The following TBC1D8 variants were observed in gnomAD, a reference collection of about 807,000 sequenced individuals.
The protein encoded by TBC1D8 is TBC1 domain family member 8.
A neutral mutation model predicts 118.8 loss-of-function variants in TBC1D8; 65 were observed. The ratio of observed to expected loss-of-function variants is 0.55; its 90% CI spans 0.45 to 0.67. The LOEUF (loss-of-function observed/expected upper bound fraction) is 0.67. TBC1D8 is among the 30% of genes least tolerant of loss of function. The probability of loss-of-function intolerance (pLI) is 0.00; values close to 1 mark genes in which losing one functional copy is unlikely to be tolerated. For synonymous variants in TBC1D8, 566 were observed against 595.8 expected (o/e 0.95, Z 0.73); for missense variants, 1,376 against 1,471.2 (o/e 0.94, Z 1.06).
intron 1 of TBC1D8, among the ~76,000 whole-genome samples, chr2:101,109,362 CA>C (rs1168586252): frequency 6.6e-6 from 1 of 151,890 alleles, no homozygotes; most frequent in African/African-American, 2.4e-5. Context: ...AATGGGCAAA[CA>C]AAAAACGGTT....
chr2:101,021,737 TAC>T lies in TBC1D8; in HGVS notation c.2769_2770del (p.Met923IlefsTer2). The T allele has an allele frequency of 6.3e-7, 1 of 1,578,282 alleles. No individual in the cohort carries two copies. The highest frequency in any genetic ancestry group is 8.6e-7 in the Non-Finnish European group (1 of 1,156,592). Reference sequence around the variant, plus strand: ...AATCTTCTCATTCATTTCTCCATTATACATAATATCTGCAAAAAGTTTAAAAA... The same window carrying T: ...AATCTTCTCATTCATTTCTCCATTATATAATATCTGCAAAAAGTTTAAAAA... On this transcript the variant is annotated frameshift_variant, in exon 17 of 20. Transcript: ENST00000409318. LOFTEE classifies it high-confidence loss of function.
intron 4 of TBC1D8, among the ~76,000 whole-genome samples, chr2:101,053,450 C>CA (rs1045178811): frequency 1.2e-3 from 178 of 152,312 alleles, no homozygotes; most frequent in African/African-American, 4.0e-3. Flanking sequence ...AGAAAGAAAA[C>CA]AAAATCACAC....
chr2:101,086,643 C>T (rs1252006622), intron 2 of TBC1D8, among the ~76,000 whole-genome samples: 2 of 151,920 alleles, frequency 1.3e-5, no homozygotes, highest in South Asian at 2.1e-4. Flanking sequence ...CCTAGAACAA[C>T]AGCCACCAAC....
At chr2:101,020,072 C>CA (rs200778679) in intron 17 of TBC1D8, among the ~76,000 whole-genome samples, 32,035 of 90,636 alleles carry the variant, frequency 0.35, 4,563 homozygotes, top group Middle Eastern at 0.51. Flanking sequence ...AACTCCGTCT[C>CA]AAAAAAAAAA....
At chr2:101,087,666 CA>C (rs1260458087) in intron 2 of TBC1D8, among the ~76,000 whole-genome samples, 1 of 149,740 alleles carries the variant, frequency 6.7e-6, no homozygotes, top group African/African-American at 2.5e-5. Flanking sequence ...AAAAAAATTC[CA>C]GATTGGGAAA....
intron 1 of TBC1D8, among the ~76,000 whole-genome samples, chr2:101,150,194 A>G (rs1679494753): frequency 6.6e-6 from 1 of 152,190 alleles, no homozygotes; most frequent in South Asian, 2.1e-4. Flanking sequence ...GACTGGTCTG[A>G]GAGCAGAAAG....
At chr2:101,040,454 A>G in intron 5 of TBC1D8, 69 bp from the exon 6 acceptor site, 4 of 1,431,966 alleles carry the variant, frequency 2.8e-6, no homozygotes, top group Non-Finnish European at 3.8e-6. Context: ...TTACAAAGGA[A>G]AATACTTTTC....
chr2:101,114,226 T>C (rs1677726544), intron 1 of TBC1D8, among the ~76,000 whole-genome samples: 1 of 152,216 alleles, frequency 6.6e-6, no homozygotes, highest in African/African-American at 2.4e-5. Flanking sequence ...TCAACATTTC[T>C]ATCTTTGATA....
chr2:101,022,850 C>A (rs1488413598), intron 15 of TBC1D8, among the ~76,000 whole-genome samples: 1 of 152,090 alleles, frequency 6.6e-6, no homozygotes, highest in African/African-American at 2.4e-5. Context: ...CACTTAAAAT[C>A]CTACTTTTTT....
intron 1 of TBC1D8, among the ~76,000 whole-genome samples, chr2:101,095,777 A>G (rs1293953716): frequency 9.9e-5 from 15 of 152,072 alleles, no homozygotes; most frequent in Non-Finnish European, 2.1e-4. Context: ...GGCCCATGCA[A>G]AAAGGGCATT....
intron 3 of TBC1D8, among the ~76,000 whole-genome samples, chr2:101,057,386 C>T (rs977920098): frequency 3.3e-5 from 5 of 152,174 alleles, no homozygotes; most frequent in African/African-American, 1.2e-4. Context: ...CCCCCAAAAG[C>T]CTAAAGGCCT....
intron 2 of TBC1D8, among the ~76,000 whole-genome samples, chr2:101,065,927 AC>A (rs1309040295): frequency 6.6e-6 from 1 of 152,200 alleles, no homozygotes. Flanking sequence ...GTAAGTAGAA[AC>A]AGAGTCAGAA....
chr2:101,085,464 C>T (rs1371446563), intron 2 of TBC1D8, among the ~76,000 whole-genome samples: 1 of 152,158 alleles, frequency 6.6e-6, no homozygotes, highest in Non-Finnish European at 1.5e-5. Context: ...CTCTCTCACC[C>T]ACCACATCTC....
intron 2 of TBC1D8, among the ~76,000 whole-genome samples, chr2:101,067,042 T>C (rs931231178): frequency 1.3e-5 from 2 of 151,628 alleles, no homozygotes; most frequent in Non-Finnish European, 2.9e-5. Context: ...TCCCATCTCC[T>C]CTCTCCTGCT....
intron 2 of TBC1D8, among the ~76,000 whole-genome samples, chr2:101,089,767 T>C (rs1213278699): frequency 1.3e-5 from 2 of 151,794 alleles, no homozygotes; most frequent in Non-Finnish European, 2.9e-5. Context: ...TGTGTATGCA[T>C]CCAGGAGCAC....
chr2:101,094,622 G>T lies in TBC1D8; in HGVS notation c.128-4258C>A, dbSNP rs541089799. Among the ~76,000 whole-genome samples the T allele has an allele frequency of 4.6e-5, 7 of 152,276 alleles. 1 individual carries two copies. In the South Asian group the frequency reaches 1.5e-3, roughly 32 times the overall value. ...TATGGAAGTAGTGACTTTTTAACTG[G>T]AAAGAGTGGAAATTTTTCTCTACAA... On this transcript the variant is annotated intron_variant, in intron 1 of 19. Coordinates refer to ENST00000409318, the MANE Select transcript of TBC1D8 (RefSeq NM_001330348.2).
chr2:101,103,102 T>C (rs1026460503), intron 1 of TBC1D8, among the ~76,000 whole-genome samples: 21 of 152,060 alleles, frequency 1.4e-4, no homozygotes, highest in South Asian at 4.1e-4. Context: ...AAGCAAAATT[T>C]TTCAACAAAA....
intron 17 of TBC1D8, among the ~76,000 whole-genome samples, chr2:101,016,689 G>T (rs2105369264): frequency 6.6e-6 from 1 of 152,268 alleles, no homozygotes; most frequent in East Asian, 1.9e-4. Context: ...GTCCAACAAG[G>T]ATAGACTGGA....
intron 1 of TBC1D8, among the ~76,000 whole-genome samples, chr2:101,109,137 A>C (rs1814448): frequency 0.45 from 68,544 of 151,962 alleles, 15,903 homozygotes; most frequent in East Asian, 0.62. Flanking sequence ...CCCATAGGAA[A>C]CCAGGGTTGG....
Sources: allele counts gnomAD v4.1 joint callset (sites outside exome capture counted in the v4.1 genomes callset), GRCh38; gene constraint gnomAD v4.1.1; transcripts MANE v1.5; gene names NCBI Gene and HGNC (gene_info 2026-07-23, HGNC 2026-07-21).